CHST11: variants seen among roughly 807,000 people sequenced by gnomAD.
CHST11 encodes carbohydrate sulfotransferase 11, also known as C4S-1.
CHST11 carries 9 observed loss-of-function variants against 30.4 expected under a neutral mutation model. The ratio of observed to expected loss-of-function variants is 0.30; its 90% CI spans 0.18 to 0.52. The LOEUF (loss-of-function observed/expected upper bound fraction) is 0.52, where lower values mean the gene tolerates loss of function less well. CHST11 is among the 20% of genes least tolerant of loss of function. The pLI is 0.97. For synonymous variants in CHST11, 152 were observed against 187.8 expected, an observed-to-expected ratio of 0.81 and a Z score of 1.56; for missense variants, 348 against 460.6, an observed-to-expected ratio of 0.76 and a Z score of 2.24.
At chr12:104,506,736 C>G (rs1336042962) in intron 1 of CHST11, among the ~76,000 whole-genome samples, 1 of 152,204 alleles carries the variant, frequency 6.6e-6, no homozygotes, top group African/African-American at 2.4e-5. Flanking sequence ...TAAGAGGACA[C>G]AGTAACTCTT....
chr12:104,694,328 A>G (rs2039924845), intron 2 of CHST11, among the ~76,000 whole-genome samples: 1 of 152,204 alleles, frequency 6.6e-6, no homozygotes, highest in South Asian at 2.1e-4. Flanking sequence ...GAATGTGGGT[A>G]ATAGCACTGC....
intron 1 of CHST11, among the ~76,000 whole-genome samples, chr12:104,593,505 G>A (rs1373379315): frequency 1.3e-5 from 2 of 152,198 alleles, no homozygotes; most frequent in Admixed American, 6.5e-5. Flanking sequence ...GAATACAAGC[G>A]TGCTGAATGT....
chr12:104,573,464 A>G (rs2038650617), intron 1 of CHST11, among the ~76,000 whole-genome samples: 1 of 152,136 alleles, frequency 6.6e-6, no homozygotes, highest in Non-Finnish European at 1.5e-5. Context: ...AAACTATACT[A>G]CAAGGCTACA....
chr12:104,696,010 A>G (rs1390734440), intron 2 of CHST11, among the ~76,000 whole-genome samples: 1 of 152,312 alleles, frequency 6.6e-6, no homozygotes, highest in African/African-American at 2.4e-5. Flanking sequence ...AGGGAAGCAC[A>G]GGAAATGTGT....
intron 1 of CHST11, among the ~76,000 whole-genome samples, chr12:104,584,886 A>G (rs2038786725): frequency 6.6e-6 from 1 of 152,202 alleles, no homozygotes; most frequent in Non-Finnish European, 1.5e-5. Flanking sequence ...GTAATTTCCC[A>G]AGAGGGAAAT....
rs377252870 is a variant in CHST11 at position 104,522,774 on chromosome 12, G to A, written c.118+65245G>A. Among the ~76,000 whole-genome samples, 69 of 152,158 alleles carry A rather than the reference G, an allele frequency of 4.5e-4. No individual in the cohort carries two copies. The East Asian group carries it at 5.4e-3, about 12-fold the overall frequency. On this transcript the variant is annotated intron_variant, in intron 1 of 2. Transcript: ENST00000303694. ...TGGAATTACTGGTGTGAATCACTGCGCCTGGTCCTATCGCATCATTCTGAA... is the reference window on the plus strand; with the variant it reads ...TGGAATTACTGGTGTGAATCACTGCACCTGGTCCTATCGCATCATTCTGAA...
chr12:104,535,461 A>G (rs763033247), intron 1 of CHST11, among the ~76,000 whole-genome samples: 1 of 152,198 alleles, frequency 6.6e-6, no homozygotes, highest in African/African-American at 2.4e-5. Flanking sequence ...GTGCATCCCA[A>G]TGAGGTTCTT....
Position 104,486,934 on chromosome 12 carries a change from G to C in CHST11, c.118+29405G>C, listed in dbSNP as rs373446627. Among the ~76,000 whole-genome samples the C allele has an allele frequency of 1.6e-4, 24 of 152,310 alleles. No homozygotes were observed. In the South Asian group the frequency reaches 5.0e-3, roughly 32 times the overall value. On this transcript the variant is annotated intron_variant, in intron 1 of 2. Transcript: ENST00000303694. ...CAATTCAGCAATCCAACAGCGCAAG[G>C]CTTTTATAAAGAGGCATGCCCAGAT...
chr12:104,685,719 G>T (rs1407810011), intron 2 of CHST11, among the ~76,000 whole-genome samples: 1 of 152,200 alleles, frequency 6.6e-6, no homozygotes, highest in Non-Finnish European at 1.5e-5. Flanking sequence ...AGCCGGTGAA[G>T]AATTTTGTGT....
intron 2 of CHST11, among the ~76,000 whole-genome samples, chr12:104,620,434 G>C (rs1464180147): frequency 6.6e-6 from 1 of 152,204 alleles, no homozygotes; most frequent in South Asian, 2.1e-4. Flanking sequence ...GAAATCCACA[G>C]ATAATCTCCA....
chr12:104,519,709 C>G (rs1363739761), intron 1 of CHST11, among the ~76,000 whole-genome samples: 1 of 152,162 alleles, frequency 6.6e-6, no homozygotes, highest in Non-Finnish European at 1.5e-5. Context: ...GATTTGACAC[C>G]AGCATTTTGC....
Position 104,600,412 on chromosome 12 carries a change from C to T in CHST11, c.119-1494C>T, listed in dbSNP as rs902504827. Among the ~76,000 whole-genome samples, 13 of 152,198 alleles carry T rather than the reference C, an allele frequency of 8.5e-5. No homozygotes were observed. The highest frequency in any genetic ancestry group is 1.0e-4 in the Non-Finnish European group (7 of 68,034). On this transcript the variant is annotated intron_variant, in intron 1 of 2. Coordinates refer to ENST00000303694, the MANE Select transcript of CHST11 (RefSeq NM_018413.6). The surrounding 1 kb of genome is among the most constrained non-coding windows in gnomAD (Gnocchi z 4.1). ...TGATAGCCACAAATAGAGAAGTTCC[C>T]GCCTTCCTCCCAGGGGGATCTAAAA...
chr12:104,466,934 A>G (rs1179713674), intron 1 of CHST11, among the ~76,000 whole-genome samples: 1 of 152,196 alleles, frequency 6.6e-6, no homozygotes, highest in East Asian at 1.9e-4. Flanking sequence ...GTCCACAAAG[A>G]TACAATGGAG....
chr12:104,606,559 A>G (rs2039007291), intron 2 of CHST11, among the ~76,000 whole-genome samples: 1 of 152,162 alleles, frequency 6.6e-6, no homozygotes, highest in Non-Finnish European at 1.5e-5. Flanking sequence ...TGCCAATCAC[A>G]CAGCTCCTAA....
chr12:104,709,675 A>G (rs975053243), intron 2 of CHST11, among the ~76,000 whole-genome samples: 4 of 152,128 alleles, frequency 2.6e-5, no homozygotes, highest in African/African-American at 9.7e-5. Context: ...GTCGCAGGGC[A>G]CCCTGCGGTC....
chr12:104,706,284 T>C (rs2040033953), intron 2 of CHST11, among the ~76,000 whole-genome samples: 1 of 151,844 alleles, frequency 6.6e-6, no homozygotes, highest in Non-Finnish European at 1.5e-5. Flanking sequence ...CTCGGGAGGC[T>C]GAGGTAGGAG....
At chr12:104,632,123 A>G (rs1166464471) in intron 2 of CHST11, among the ~76,000 whole-genome samples, 1 of 152,118 alleles carries the variant, frequency 6.6e-6, no homozygotes, top group Non-Finnish European at 1.5e-5. Flanking sequence ...GGTGTCTGCA[A>G]TGTGGGGAGG....
intron 1 of CHST11, among the ~76,000 whole-genome samples, chr12:104,484,521 A>G (rs1460573143): frequency 6.6e-6 from 1 of 152,198 alleles, no homozygotes; most frequent in East Asian, 1.9e-4. Flanking sequence ...GCAAACTTAC[A>G]ATGTTCTCAT....
intron 1 of CHST11, among the ~76,000 whole-genome samples, chr12:104,523,043 G>C (rs1310656219): frequency 6.6e-6 from 1 of 152,210 alleles, no homozygotes; most frequent in African/African-American, 2.4e-5. Flanking sequence ...AAGCTGTGAT[G>C]CTTGACTAAT....
Sources: allele counts gnomAD v4.1 joint callset (sites outside exome capture counted in the v4.1 genomes callset), GRCh38; gene constraint gnomAD v4.1.1; non-coding constraint Gnocchi (gnomAD v3.1); transcripts MANE v1.5; gene names NCBI Gene and HGNC (gene_info 2026-07-23, HGNC 2026-07-21).